Variants in FBXW8 observed in about 807,000 individuals in gnomAD.
FBXW8 encodes F-box/WD repeat-containing protein 8.
Under a neutral mutation model 65.3 loss-of-function variants are expected in FBXW8, and 57 were observed. That is an observed-to-expected ratio of 0.87 (90% CI 0.71 to 1.09). The LOEUF (loss-of-function observed/expected upper bound fraction) is 1.09. Ranked by LOEUF, FBXW8 falls within the 50% of genes least tolerant of loss-of-function variation. The pLI, the probability that FBXW8 is intolerant of heterozygous loss-of-function variation, is 0.00. For missense variants in FBXW8, 777 were observed against 814.8 expected, an observed-to-expected ratio of 0.95 and a Z score of 0.57; for synonymous variants, 308 against 330.2, an observed-to-expected ratio of 0.93 and a Z score of 0.73.
chr12:116,917,758 C>T (rs886121336), intron 1 of FBXW8, among the ~76,000 whole-genome samples: 4 of 151,904 alleles, frequency 2.6e-5, no homozygotes, highest in Non-Finnish European at 5.9e-5. Context: ...TTTGGGAGGC[C>T]GAGGTGGATG....
chr12:116,979,794 A>AAAAC (rs1410626284), intron 5 of FBXW8, among the ~76,000 whole-genome samples: 1 of 151,836 alleles, frequency 6.6e-6, no homozygotes, highest in Non-Finnish European at 1.5e-5. Flanking sequence ...AAAAAAAAAA[A>AAAAC]AACACTTGCT....
chr12:116,920,020 T>C (rs750156203), intron 1 of FBXW8, among the ~76,000 whole-genome samples: 71 of 152,210 alleles, frequency 4.7e-4, no homozygotes, highest in Non-Finnish European at 2.2e-4. Flanking sequence ...CCAAACCAAA[T>C]GTGTACTCAT....
At position 117,027,906 on chromosome 12, in the gene FBXW8, C is replaced by T. The variant is rs763806986; in HGVS notation, c.1653-122C>T. On this transcript the variant is annotated intron_variant, in intron 10 of 10. Coordinates refer to ENST00000652555, the MANE Select transcript of FBXW8 (RefSeq NM_153348.3). Reference sequence around the variant, plus strand: ...TATCTGACGCTGTGTGCCCAGAGAACGCGTTTGTGAAGCTGAACCTCTATC... The same window carrying T: ...TATCTGACGCTGTGTGCCCAGAGAATGCGTTTGTGAAGCTGAACCTCTATC... 1.8e-5 allele frequency: 23 copies of T among 1,312,890 alleles called. 1 individual carries two copies. Among genetic ancestry groups the T allele is most frequent in the Non-Finnish European group, 2.1e-5 (20 of 957,372 alleles). The allele number at this position is 1,312,890 out of a possible 1,614,324, so 81.3% of individuals were successfully genotyped here. A position where few individuals can be genotyped will look rare whatever the true frequency, so the allele number is the denominator to read the frequency against.
chr12:116,930,044 A>G (rs866031290), intron 2 of FBXW8, among the ~76,000 whole-genome samples: 1 of 152,116 alleles, frequency 6.6e-6, no homozygotes, highest in Non-Finnish European at 1.5e-5. Context: ...AAGGCTGAAT[A>G]GTATTCCATT....
intron 7 of FBXW8, among the ~76,000 whole-genome samples, chr12:117,007,378 TTC>T (rs1162664213): frequency 3.9e-5 from 6 of 152,216 alleles, no homozygotes; most frequent in Non-Finnish European, 7.3e-5. Flanking sequence ...GGAAAAATTC[TTC>T]TCTGTGTCAT....
intron 9 of FBXW8, among the ~76,000 whole-genome samples, chr12:117,026,492 C>T (rs1437822139): frequency 6.6e-6 from 1 of 151,922 alleles, no homozygotes; most frequent in African/African-American, 2.4e-5. Flanking sequence ...GTCCCAACCC[C>T]AGGGAGGCAG....
intron 1 of FBXW8, among the ~76,000 whole-genome samples, chr12:116,927,269 C>G (rs754561968): frequency 6.6e-6 from 1 of 152,114 alleles, no homozygotes; most frequent in Non-Finnish European, 1.5e-5. Flanking sequence ...AAATAAAGCC[C>G]GTTACCTCAT....
chr12:116,985,153 G>C, intron 5 of FBXW8, 53 bp from the exon 6 acceptor site: 1 of 1,461,910 alleles, frequency 6.8e-7, no homozygotes, highest in Non-Finnish European at 9.2e-7. Flanking sequence ...TAAAATAATT[G>C]AACATATTAA....
At chr12:116,974,927 G>C (rs947487049) in intron 5 of FBXW8, among the ~76,000 whole-genome samples, 1 of 152,152 alleles carries the variant, frequency 6.6e-6, no homozygotes, top group Non-Finnish European at 1.5e-5. Flanking sequence ...TGAAGGTAGG[G>C]CATCTATAGG....
chr12:116,988,345 C>G (rs951997258), intron 6 of FBXW8, among the ~76,000 whole-genome samples: 3 of 152,198 alleles, frequency 2.0e-5, no homozygotes, highest in African/African-American at 7.2e-5. Context: ...AAACATGGAA[C>G]ATGGTTTTCC....
At chr12:116,913,625 G>A (rs1880172198) in intron 1 of FBXW8, among the ~76,000 whole-genome samples, 1 of 152,200 alleles carries the variant, frequency 6.6e-6, no homozygotes, top group African/African-American at 2.4e-5. Context: ...GTAGGCTGCT[G>A]CTGCTGCTAC....
At chr12:117,021,658 G>C (rs1191725337) in intron 8 of FBXW8, among the ~76,000 whole-genome samples, 1 of 152,178 alleles carries the variant, frequency 6.6e-6, no homozygotes, top group Non-Finnish European at 1.5e-5. Flanking sequence ...CTAGATTTTA[G>C]CATATAAATT....
chr12:116,958,196 A>G (rs1883768902), intron 4 of FBXW8, among the ~76,000 whole-genome samples: 1 of 152,232 alleles, frequency 6.6e-6, no homozygotes, highest in Non-Finnish European at 1.5e-5. Flanking sequence ...ATTTCCACAG[A>G]AGGATTCTGC....
At chr12:116,971,910 A>T (rs1303084696) in intron 5 of FBXW8, among the ~76,000 whole-genome samples, 1 of 152,184 alleles carries the variant, frequency 6.6e-6, no homozygotes, top group East Asian at 1.9e-4. Flanking sequence ...TTAGGAATCT[A>T]CAAGCCCTCA....
intron 8 of FBXW8, among the ~76,000 whole-genome samples, chr12:117,021,314 T>A (rs1236839809): frequency 6.6e-6 from 1 of 152,250 alleles, no homozygotes; most frequent in Non-Finnish European, 1.5e-5. Context: ...TAATGGGTTG[T>A]CAGTCTTTAC....
intron 5 of FBXW8, among the ~76,000 whole-genome samples, chr12:116,965,925 ATTTTTTT>A (rs10630126): frequency 1.5e-5 from 2 of 137,338 alleles, no homozygotes; most frequent in African/African-American, 5.4e-5. Flanking sequence ...TGCCCAGCTA[ATTTTTTT>A]TTTTTTTTTT....
chr12:116,952,419 G>T (rs1420778878), intron 4 of FBXW8, among the ~76,000 whole-genome samples: 2 of 152,102 alleles, frequency 1.3e-5, no homozygotes, highest in Admixed American at 6.5e-5. Context: ...GATTTACAAG[G>T]TTGTGCAACC....
At chr12:116,949,875 G>GA in intron 4 of FBXW8, 169 bp downstream of exon 4, 2 of 655,666 alleles carry the variant, frequency 3.1e-6, no homozygotes, top group South Asian at 3.5e-5. Flanking sequence ...CCAAGGACGT[G>GA]AGAGCGCGCA....
intron 10 of FBXW8, among the ~76,000 whole-genome samples, 168 bp downstream of exon 10, chr12:117,027,672 C>G (rs1295877523): frequency 6.6e-6 from 1 of 152,068 alleles, no homozygotes; most frequent in Non-Finnish European, 1.5e-5. Flanking sequence ...GTACTGAGCA[C>G]CCAGCATCTG....
Sources: allele counts gnomAD v4.1 joint callset (sites outside exome capture counted in the v4.1 genomes callset), GRCh38; gene constraint gnomAD v4.1.1; transcripts MANE v1.5; gene names NCBI Gene and HGNC (gene_info 2026-07-23, HGNC 2026-07-21).